Variants in DOCK1 observed in about 807,000 individuals in gnomAD.
DOCK1 encodes dedicator of cytokinesis protein 1.
DOCK1 carries 138 observed loss-of-function variants against 262.7 expected under a neutral mutation model. The ratio of observed to expected loss-of-function variants is 0.53; its 90% confidence interval spans 0.46 to 0.61. The LOEUF (loss-of-function observed/expected upper bound fraction) is 0.61. Ranked by LOEUF, DOCK1 falls within the 20% of genes least tolerant of loss-of-function variation. The pLI is 0.00. For synonymous variants in DOCK1, 866 were observed against 867.4 expected (o/e 1.00, Z 0.03); for missense variants, 1,908 against 2,370.7 (o/e 0.80, Z 4.05).
chr10:126,944,310 C>T (rs1389327280), intron 1 of DOCK1, among the ~76,000 whole-genome samples: 1 of 151,816 alleles, frequency 6.6e-6, no homozygotes, highest in Non-Finnish European at 1.5e-5. Flanking sequence ...GCACTGGGCA[C>T]AGGGTGCAGG....
chr10:127,117,647 G>A lies in DOCK1; in HGVS notation c.2623+7293G>A, dbSNP rs1031938344. 3.3e-5 allele frequency among the ~76,000 whole-genome samples: 5 copies of A among 152,084 alleles called. No homozygotes were observed. In the East Asian group the frequency reaches 5.8e-4, roughly 18 times the overall value. On this transcript the variant is annotated intron_variant, in intron 25 of 51. Coordinates refer to ENST00000623213, the MANE Select transcript of DOCK1 (RefSeq NM_001290223.2). ...TATAGTTGGTGTAAACTTTATCATC[G>A]TCTGTTGAGTTCTGCTGTCACTTCT...
intron 27 of DOCK1, among the ~76,000 whole-genome samples, chr10:127,178,365 TC>T (rs2055379014): frequency 6.6e-6 from 1 of 152,232 alleles, no homozygotes; most frequent in Admixed American, 6.5e-5. Flanking sequence ...TACTGGTATT[TC>T]AGGATGGATC....
chr10:126,995,578 G>A lies in DOCK1; in HGVS notation c.474-1170G>A, dbSNP rs1200832964. Among the ~76,000 whole-genome samples, 2 of 152,230 alleles carry A rather than the reference G, an allele frequency of 1.3e-5. No homozygotes were observed. Among genetic ancestry groups the A allele is most frequent in the Admixed American group, 6.5e-5 (1 of 15,286 alleles). On this transcript the variant is annotated intron_variant, in intron 6 of 51. Coordinates refer to ENST00000623213, the MANE Select transcript of DOCK1 (RefSeq NM_001290223.2). The surrounding 1 kb of genome is among the most constrained non-coding windows in gnomAD (Gnocchi z 5.8). ...TCAGGCAGGGAGGCTGCAGTGAGCC[G>A]AGATGGCGGCAGTACAGTCCAGCCT... is the stretch of plus-strand genomic sequence containing the variant.
At chr10:127,107,675 A>G (rs1006203485) in intron 24 of DOCK1, among the ~76,000 whole-genome samples, 1 of 152,174 alleles carries the variant, frequency 6.6e-6, no homozygotes, top group Non-Finnish European at 1.5e-5. Flanking sequence ...CTTCCTCCCC[A>G]GACCTTCTGA....
intron 33 of DOCK1, among the ~76,000 whole-genome samples, chr10:127,363,227 G>T (rs1454170335): frequency 6.6e-6 from 1 of 152,114 alleles, no homozygotes; most frequent in Non-Finnish European, 1.5e-5. Context: ...TCATTATACT[G>T]GACCGGATGT....
At chr10:126,940,433 G>A (rs1359494437) in intron 1 of DOCK1, among the ~76,000 whole-genome samples, 1 of 151,990 alleles carries the variant, frequency 6.6e-6, no homozygotes, top group Non-Finnish European at 1.5e-5. Context: ...GTGGAGACAG[G>A]GTCTCTGTCA....
intron 1 of DOCK1, among the ~76,000 whole-genome samples, chr10:126,914,515 A>C (rs1401836157): frequency 6.6e-6 from 1 of 152,074 alleles, no homozygotes. Flanking sequence ...TGATCCTCCA[A>C]CCCTGGCCTT....
At chr10:127,356,344 G>A (rs2064142751) in intron 32 of DOCK1, among the ~76,000 whole-genome samples, 2 of 152,136 alleles carry the variant, frequency 1.3e-5, no homozygotes, top group South Asian at 4.1e-4. Flanking sequence ...CAGTCTTTCT[G>A]GGCCGTTAGA....
intron 38 of DOCK1, among the ~76,000 whole-genome samples, chr10:127,401,268 G>A (rs2067208783): frequency 6.6e-6 from 1 of 152,272 alleles, no homozygotes; most frequent in South Asian, 2.1e-4. Flanking sequence ...CGGTGTTACT[G>A]GCCGCAAATC....
At chr10:127,317,880 T>C (rs2062353200) in intron 29 of DOCK1, among the ~76,000 whole-genome samples, 16 of 152,166 alleles carry the variant, frequency 1.1e-4, no homozygotes, top group Admixed American at 1.0e-3. Flanking sequence ...TCGCATTCAT[T>C]GACAACAGTG....
intron 29 of DOCK1, among the ~76,000 whole-genome samples, chr10:127,338,660 T>C (rs1334215456): frequency 6.6e-6 from 1 of 152,220 alleles, no homozygotes; most frequent in Non-Finnish European, 1.5e-5. Context: ...AGTGGAATCA[T>C]AGAACATTAA....
chr10:126,985,204 C>T (rs1318016516), intron 4 of DOCK1, among the ~76,000 whole-genome samples: 1 of 152,092 alleles, frequency 6.6e-6, no homozygotes, highest in Non-Finnish European at 1.5e-5. Flanking sequence ...TGGCTTTGAA[C>T]CCCTGACCTC....
chr10:127,244,634 C>CT (rs1013651404), intron 27 of DOCK1, among the ~76,000 whole-genome samples: 2 of 152,122 alleles, frequency 1.3e-5, no homozygotes, highest in East Asian at 1.9e-4. Flanking sequence ...ATGAGGTTCA[C>CT]TTTTTTTTGT....
At chr10:127,448,786 A>G (rs1248907610) in intron 51 of DOCK1, among the ~76,000 whole-genome samples, 1 of 146,296 alleles carries the variant, frequency 6.8e-6, no homozygotes, top group Non-Finnish European at 1.5e-5. Flanking sequence ...TGTTTTTTTC[A>G]TAATGGTGAG....
At position 127,000,283 on chromosome 10, in the gene DOCK1, T is replaced by A. The variant is rs1264838643; in HGVS notation, c.961T>A (p.Leu321Met). 1 of 1,613,832 alleles carries A rather than the reference T, an allele frequency of 6.2e-7. No individual in the cohort carries two copies. Among genetic ancestry groups the A allele is most frequent in the Non-Finnish European group, 8.5e-7 (1 of 1,179,876 alleles). The change falls in exon 10 of 52, where the codon TTG becomes ATG. Residue 321 changes from leucine (L) to methionine (M), a missense_variant. Leu to Met is a conservative substitution (Grantham distance 15, BLOSUM62 2). Around this residue, in one of 9 missense-constraint regions of DOCK1, gnomAD observed 102 missense variants for 154.9 expected, o/e 0.66. Transcript: ENST00000623213. ...DNNTRKLTSG[L>M]RRPFGVAVMD... ...CAACACCAGGAAACTGACCTCGGGG[T>A]TGCGGCGACCTTTTGGAGTGGCTGG...
At chr10:127,306,603 C>A (rs1368020719) in intron 29 of DOCK1, among the ~76,000 whole-genome samples, 4 of 152,192 alleles carry the variant, frequency 2.6e-5, no homozygotes, top group Admixed American at 6.5e-5. Context: ...TTCCTTCTTT[C>A]ACACAGGGGT....
At chr10:127,092,345 G>A (rs2047587378) in intron 23 of DOCK1, among the ~76,000 whole-genome samples, 2 of 152,196 alleles carry the variant, frequency 1.3e-5, no homozygotes. Context: ...CATCGCTCCC[G>A]CCACAGGGCC....
chr10:126,927,510 CA>C (rs2033838626), intron 1 of DOCK1, among the ~76,000 whole-genome samples: 1 of 152,054 alleles, frequency 6.6e-6, no homozygotes, highest in African/African-American at 2.4e-5. Context: ...CATCTCGGCT[CA>C]CTGCAACCTC....
intron 33 of DOCK1, among the ~76,000 whole-genome samples, chr10:127,366,297 G>C (rs2064905411): frequency 6.6e-6 from 1 of 152,110 alleles, no homozygotes; most frequent in Non-Finnish European, 1.5e-5. Flanking sequence ...ATTGGGAAAA[G>C]ATCAGTTTTC....
Sources: allele counts gnomAD v4.1 joint callset (sites outside exome capture counted in the v4.1 genomes callset), GRCh38; gene constraint gnomAD v4.1.1; regional missense constraint gnomAD v4.1.1; non-coding constraint Gnocchi (gnomAD v3.1); transcripts MANE v1.5; gene names NCBI Gene and HGNC (gene_info 2026-07-23, HGNC 2026-07-21).